The following DYNC1I1 variants were observed in gnomAD, a reference collection of about 807,000 sequenced individuals.
DYNC1I1 encodes cytoplasmic dynein 1 intermediate chain 1.
A neutral mutation model predicts 86.6 loss-of-function variants in DYNC1I1; 43 were observed. The ratio of observed to expected loss-of-function variants is 0.50; its 90% CI spans 0.39 to 0.64. The LOEUF (loss-of-function observed/expected upper bound fraction) is 0.64, where lower values mean the gene tolerates loss of function less well. DYNC1I1 is among the 30% of genes least tolerant of loss of function. The probability of loss-of-function intolerance (pLI) is 0.00; values close to 1 mark genes in which losing one functional copy is unlikely to be tolerated. For synonymous variants in DYNC1I1, 262 were observed against 283.7 expected, an observed-to-expected ratio of 0.92 and a Z score of 0.77; for missense variants, 604 against 788.8, an observed-to-expected ratio of 0.77 and a Z score of 2.81.
chr7:95,802,001 A>G (rs1173706576), intron 1 of DYNC1I1, among the ~76,000 whole-genome samples: 2 of 151,900 alleles, frequency 1.3e-5, no homozygotes, highest in East Asian at 1.9e-4. Context: ...TGCTTGCTCA[A>G]TTACTCCCTT....
chr7:95,930,460 G>T (rs1791861989), intron 6 of DYNC1I1, among the ~76,000 whole-genome samples: 1 of 152,204 alleles, frequency 6.6e-6, no homozygotes, highest in Middle Eastern at 3.2e-3. Flanking sequence ...ATGGGCAACT[G>T]TCTATGTACT....
intron 16 of DYNC1I1, among the ~76,000 whole-genome samples, chr7:96,093,134 C>T (rs192561144): frequency 3.3e-4 from 50 of 152,232 alleles, no homozygotes; most frequent in African/African-American, 1.2e-3. Context: ...GGTATGCATG[C>T]CACAAAACGT....
chr7:95,781,914 T>C (rs1794003583), intron 1 of DYNC1I1, among the ~76,000 whole-genome samples: 1 of 152,100 alleles, frequency 6.6e-6, no homozygotes, highest in Admixed American at 6.5e-5. Context: ...TTCCGACTCA[T>C]TGGAGTGAAT....
intron 6 of DYNC1I1, among the ~76,000 whole-genome samples, chr7:95,966,883 C>A (rs916550636): frequency 2.2e-4 from 33 of 152,104 alleles, no homozygotes; most frequent in African/African-American, 8.0e-4. Context: ...TGCAGGGAGG[C>A]ACGGGGTGAG....
intron 4 of DYNC1I1, among the ~76,000 whole-genome samples, chr7:95,820,353 T>TCC (rs1180518657): frequency 2.0e-5 from 3 of 152,232 alleles, no homozygotes; most frequent in Non-Finnish European, 4.4e-5. Context: ...TATGATGGAT[T>TCC]TTAAAATGTC....
At chr7:95,937,272 G>A in intron 6 of DYNC1I1, among the ~76,000 whole-genome samples, 1 of 146,986 alleles carries the variant, frequency 6.8e-6, no homozygotes, top group Admixed American at 6.7e-5. Flanking sequence ...GTTAACCATA[G>A]TATATTGGAT....
intron 10 of DYNC1I1, among the ~76,000 whole-genome samples, chr7:96,014,486 A>G (rs1234787135): frequency 6.6e-6 from 1 of 152,190 alleles, no homozygotes; most frequent in East Asian, 1.9e-4. Flanking sequence ...ACCCTTTGGA[A>G]ACTAAAGGAG....
downstream of DYNC1I1, among the ~76,000 whole-genome samples, chr7:96,098,884 G>GGCTTTC (rs1225825929): frequency 6.6e-6 from 1 of 152,166 alleles, no homozygotes; most frequent in East Asian, 1.9e-4. Context: ...TTCGAAGACA[G>GGCTTTC]GCTTTCGGCT....
intron 14 of DYNC1I1, among the ~76,000 whole-genome samples, chr7:96,049,499 A>G (rs928738026): frequency 6.6e-6 from 1 of 152,108 alleles, no homozygotes; most frequent in Non-Finnish European, 1.5e-5. Flanking sequence ...TTACCTTCAT[A>G]ATCTTTACTT....
At chr7:96,072,492 A>T (rs1012632560) in intron 14 of DYNC1I1, among the ~76,000 whole-genome samples, 4 of 152,226 alleles carry the variant, frequency 2.6e-5, no homozygotes, top group Non-Finnish European at 2.9e-5. Flanking sequence ...GCTGTGGAAC[A>T]ATATTTCATT....
chr7:96,032,898 G>T (rs1794846470), intron 12 of DYNC1I1, 118 bp downstream of exon 12: 6 of 768,490 alleles, frequency 7.8e-6, no homozygotes, highest in Middle Eastern at 2.5e-4. Context: ...ACAAATGGAT[G>T]CACTTGAAAG....
rs42082 is a variant in DYNC1I1, at chr7:96,080,354, C to A, written c.1651-9C>A. On this transcript the variant is annotated splice_polypyrimidine_tract_variant and intron_variant, in intron 15 of 16. Transcript: ENST00000447467. ...AGATTCTTTTATTCTGTTGTGAACC[C>A]TTTGGCAGGTTCCAACAGCAAGTGT... 796,206 of 1,592,128 alleles carry A rather than the reference C, an allele frequency of 0.5. 202,263 individuals are homozygous for A. Among genetic ancestry groups the A allele is most frequent in the Middle Eastern group, 0.54 (3,167 of 5,898 alleles).
In DYNC1I1 at chr7:95,964,752, G is replaced by T. The variant is rs117212168; in HGVS notation, c.491-12760G>T. Among the ~76,000 whole-genome samples, 109 of 152,344 alleles carry T rather than the reference G, an allele frequency of 7.2e-4. 4 individuals are homozygous for T. In the East Asian group the frequency reaches 0.021, roughly 29 times the overall value. On this transcript the variant is annotated intron_variant, in intron 6 of 16. Transcript: ENST00000447467. ...AAGTGCCATGTGCCAGGGCACAATG[G>T]ATGGTGGTATGTTGCTATATTAACT...
chr7:95,954,695 C>T lies in DYNC1I1; in HGVS notation c.491-22817C>T, dbSNP rs549294696. Reference sequence around the variant, plus strand: ...TTGGGAGTCTGAGGCAGGCGGATCACGAGGTCAGGAGATTGAGATCATCCT... The same window carrying T: ...TTGGGAGTCTGAGGCAGGCGGATCATGAGGTCAGGAGATTGAGATCATCCT... On this transcript the variant is annotated intron_variant, in intron 6 of 16. Coordinates refer to ENST00000447467, the MANE Select transcript of DYNC1I1 (RefSeq NM_001135556.2). Among the ~76,000 whole-genome samples the T allele has an allele frequency of 5.9e-5, 9 of 152,044 alleles. No individual in the cohort carries two copies. In the South Asian group the frequency reaches 1.9e-3, roughly 32 times the overall value.
Position 95,832,361 on chromosome 7 carries a change from T to C in DYNC1I1, c.374+4245T>C, listed in dbSNP as rs186588568. On this transcript the variant is annotated intron_variant, in intron 5 of 16. Transcript: ENST00000447467. ...TATGTGCCACATTTTCTTAATCCAG[T>C]CTAACATTGTTGAACATTTGGGTTG... Among the ~76,000 whole-genome samples, 16 of 151,950 alleles carry C rather than the reference T, an allele frequency of 1.1e-4. No individual in the cohort carries two copies. The East Asian group carries it at 3.1e-3, about 29-fold the overall frequency.
chr7:95,801,773 A>G (rs2115779295), intron 1 of DYNC1I1, among the ~76,000 whole-genome samples: 1 of 152,224 alleles, frequency 6.6e-6, no homozygotes, highest in East Asian at 1.9e-4. Context: ...AATTCCTGCC[A>G]GGAATTTTAC....
At chr7:95,859,564 G>T (rs1789819998) in intron 5 of DYNC1I1, among the ~76,000 whole-genome samples, 1 of 152,214 alleles carries the variant, frequency 6.6e-6, no homozygotes, top group South Asian at 2.1e-4. Flanking sequence ...TGGTGTTGGG[G>T]TATGCATGAA....
At chr7:95,920,409 C>T (rs1047947854) in intron 6 of DYNC1I1, among the ~76,000 whole-genome samples, 1 of 152,080 alleles carries the variant, frequency 6.6e-6, no homozygotes, top group Admixed American at 6.5e-5. Context: ...TGAATAAATG[C>T]AATGTGGTAC....
intron 10 of DYNC1I1, among the ~76,000 whole-genome samples, chr7:96,000,218 A>T (rs2375047): frequency 0.13 from 20,057 of 152,158 alleles, 1,382 homozygotes; most frequent in Non-Finnish European, 0.14. Context: ...GGGATTCAAA[A>T]TGAAAGCACA....
Sources: allele counts gnomAD v4.1 joint callset (sites outside exome capture counted in the v4.1 genomes callset), GRCh38; gene constraint gnomAD v4.1.1; transcripts MANE v1.5; gene names NCBI Gene and HGNC (gene_info 2026-07-23, HGNC 2026-07-21).